Variants in KCNB2 observed in about 807,000 individuals in gnomAD.
The protein encoded by KCNB2 is potassium voltage-gated channel subfamily B member 2, also known as delayed rectifier potassium channel protein.
In KCNB2, 15 loss-of-function variants were observed where a neutral mutation model predicts 61.5. The ratio of observed to expected loss-of-function variants is 0.24; its 90% CI spans 0.16 to 0.38. The LOEUF is 0.38. Ranked by LOEUF, KCNB2 falls within the 10% of genes least tolerant of loss-of-function variation. KCNB2 has a pLI of 1.00. For synonymous variants in KCNB2, 457 were observed against 446.0 expected, an observed-to-expected ratio of 1.02 and a Z score of -0.31; for missense variants, 828 against 1,125.2, an observed-to-expected ratio of 0.74 and a Z score of 3.78.
At chr8:72,680,738 C>T (rs989662832) in intron 2 of KCNB2, among the ~76,000 whole-genome samples, 15 of 152,090 alleles carry the variant, frequency 9.9e-5, no homozygotes, top group Admixed American at 6.6e-4. Context: ...GAGTGCCATG[C>T]CAGGCCCTCA....
rs941972350 is a variant in KCNB2, at chr8:72,688,244, A to G, written c.579+119931A>G. 3.3e-5 allele frequency among the ~76,000 whole-genome samples: 5 copies of G among 152,312 alleles called. No homozygotes were observed. In the East Asian group the frequency reaches 9.7e-4, roughly 29 times the overall value. ...GGTCCTGTAACTTTCAGGTTAAAAA[A>G]TCCGAGAGCCCTTTTGAGCTCCTTA... On this transcript the variant is annotated intron_variant, in intron 2 of 2. Coordinates refer to ENST00000523207, the MANE Select transcript of KCNB2 (RefSeq NM_004770.3).
At chr8:72,807,922 A>G (rs527655380) in intron 2 of KCNB2, among the ~76,000 whole-genome samples, 4 of 152,312 alleles carry the variant, frequency 2.6e-5, no homozygotes, top group African/African-American at 9.6e-5. Flanking sequence ...TGGTTTAAAT[A>G]AGAAATTAAA....
intron 2 of KCNB2, among the ~76,000 whole-genome samples, chr8:72,669,280 A>G (rs1806525440): frequency 6.6e-6 from 1 of 152,218 alleles, no homozygotes; most frequent in African/African-American, 2.4e-5. Context: ...TGGCATTTGC[A>G]TTTCAACTGA....
chr8:72,725,403 C>T (rs943073515), intron 2 of KCNB2, among the ~76,000 whole-genome samples: 22 of 151,208 alleles, frequency 1.5e-4, no homozygotes, highest in African/African-American at 5.1e-4. Flanking sequence ...AGCAAATTTT[C>T]AAAACTGAAC....
chr8:72,935,041 G>A (rs938994723), intron 2 of KCNB2, among the ~76,000 whole-genome samples: 3 of 152,018 alleles, frequency 2.0e-5, no homozygotes, highest in African/African-American at 7.3e-5. Flanking sequence ...CAGCTGCGAA[G>A]TAGCTATGAT....
intron 2 of KCNB2, among the ~76,000 whole-genome samples, chr8:72,929,936 G>A (rs1400809708): frequency 7.0e-6 from 1 of 142,310 alleles, no homozygotes; most frequent in African/African-American, 2.7e-5. Context: ...TCTCCTAATG[G>A]TATCCCTCCC....
chr8:72,622,562 T>A (rs1805729954), intron 2 of KCNB2, among the ~76,000 whole-genome samples: 1 of 152,150 alleles, frequency 6.6e-6, no homozygotes, highest in Admixed American at 6.6e-5. Flanking sequence ...AAATGGTTAA[T>A]TAATCTGAAT....
chr8:72,853,621 A>G (rs184507554), intron 2 of KCNB2, among the ~76,000 whole-genome samples: 33 of 152,316 alleles, frequency 2.2e-4, no homozygotes, highest in African/African-American at 7.7e-4. Context: ...TTATTGTGAG[A>G]ATTAAGCAAT....
chr8:72,734,222 A>C (rs1375072373), intron 2 of KCNB2, among the ~76,000 whole-genome samples: 2 of 152,214 alleles, frequency 1.3e-5, no homozygotes, highest in African/African-American at 4.8e-5. Flanking sequence ...GGTGCTTCAT[A>C]TTGTCAGCCT....
chr8:72,827,169 G>A (rs1036656185), intron 2 of KCNB2, among the ~76,000 whole-genome samples: 16 of 152,160 alleles, frequency 1.1e-4, no homozygotes, highest in African/African-American at 3.9e-4. Flanking sequence ...GAGGGCTGGG[G>A]AAGCTGGCTA....
chr8:72,676,788 T>C (rs1806660806), intron 2 of KCNB2, among the ~76,000 whole-genome samples: 2 of 152,030 alleles, frequency 1.3e-5, no homozygotes, highest in African/African-American at 4.8e-5. Context: ...ATTTAAGCAA[T>C]CACAGGAGAA....
At chr8:72,697,489 A>G (rs986925064) in intron 2 of KCNB2, among the ~76,000 whole-genome samples, 1 of 152,168 alleles carries the variant, frequency 6.6e-6, no homozygotes, top group African/African-American at 2.4e-5. Flanking sequence ...AATAGCAGCA[A>G]GGTGCAGTGG....
chr8:72,611,357 C>T (rs974245707), intron 2 of KCNB2, among the ~76,000 whole-genome samples: 2 of 152,010 alleles, frequency 1.3e-5, no homozygotes, highest in Admixed American at 6.6e-5. Context: ...ATAGGGTCAC[C>T]GTATTTTCAG....
At chr8:72,610,875 C>G (rs908718333) in intron 2 of KCNB2, among the ~76,000 whole-genome samples, 6 of 152,068 alleles carry the variant, frequency 3.9e-5, no homozygotes, top group Non-Finnish European at 7.4e-5. Context: ...GAAGGGGTAA[C>G]AGAAAGACCT....
At chr8:72,908,688 G>A (rs1356979342) in intron 2 of KCNB2, among the ~76,000 whole-genome samples, 1 of 152,242 alleles carries the variant, frequency 6.6e-6, no homozygotes, top group Non-Finnish European at 1.5e-5. Flanking sequence ...ACGAGATGTG[G>A]TTTAGACAAA....
chr8:72,885,289 C>T (rs1805784871), intron 2 of KCNB2, among the ~76,000 whole-genome samples: 1 of 151,984 alleles, frequency 6.6e-6, no homozygotes, highest in Admixed American at 6.6e-5. Flanking sequence ...CTTTATTGTA[C>T]TTTCTTGTTC....
intron 2 of KCNB2, among the ~76,000 whole-genome samples, chr8:72,681,300 A>G (rs1462406845): frequency 6.6e-6 from 1 of 152,206 alleles, no homozygotes; most frequent in East Asian, 1.9e-4. Context: ...AGGCAACAAA[A>G]AAAGACAGCT....
intron 2 of KCNB2, among the ~76,000 whole-genome samples, chr8:72,685,330 T>A: frequency 6.6e-6 from 1 of 152,192 alleles, no homozygotes; most frequent in Middle Eastern, 3.4e-3. Context: ...AATATATATA[T>A]AAAACATAAG....
chr8:72,797,381 T>C (rs1423887589), intron 2 of KCNB2, among the ~76,000 whole-genome samples: 1 of 152,160 alleles, frequency 6.6e-6, no homozygotes, highest in African/African-American at 2.4e-5. Context: ...ATCCTGCCAA[T>C]AAATTATCTC....
Sources: allele counts gnomAD v4.1 joint callset (sites outside exome capture counted in the v4.1 genomes callset), GRCh38; gene constraint gnomAD v4.1.1; transcripts MANE v1.5; gene names NCBI Gene and HGNC (gene_info 2026-07-23, HGNC 2026-07-21).